Variants in RIMS1 observed in about 807,000 individuals in gnomAD.
The protein encoded by RIMS1 is regulating synaptic membrane exocytosis 1.
A neutral mutation model predicts 214.1 loss-of-function variants in RIMS1; 83 were observed. The ratio of observed to expected loss-of-function variants is 0.39; its 90% confidence interval spans 0.32 to 0.47. The LOEUF is 0.47. RIMS1 is among the 20% of genes least tolerant of loss of function. The pLI is 0.99. For synonymous variants in RIMS1, 793 were observed against 786.8 expected, an observed-to-expected ratio of 1.01 and a Z score of -0.13; for missense variants, 2,050 against 2,161.8, an observed-to-expected ratio of 0.95 and a Z score of 1.03.
chr6:72,038,118 A>AATATATATATATAT (rs70994111), intron 2 of RIMS1, among the ~76,000 whole-genome samples: 71 of 13,396 alleles, frequency 5.3e-3, no homozygotes, highest in East Asian at 9.5e-3. Context: ...AAAAAAAAAA[A>AATATATATATATAT]ATATATATAT....
At chr6:72,158,219 G>C (rs1479237270) in intron 4 of RIMS1, among the ~76,000 whole-genome samples, 1 of 140,194 alleles carries the variant, frequency 7.1e-6, no homozygotes, top group African/African-American at 2.5e-5. Context: ...CTTTTTGTTT[G>C]AATCAAAATG....
intron 1 of RIMS1, among the ~76,000 whole-genome samples, chr6:71,941,127 G>A (rs766237550): frequency 5.3e-5 from 8 of 151,114 alleles, no homozygotes; most frequent in East Asian, 1.9e-4. Flanking sequence ...TTTTTCACCC[G>A]GGCATATTTA....
At chr6:72,307,702 G>A (rs777499246) in intron 27 of RIMS1, among the ~76,000 whole-genome samples, 47 of 151,860 alleles carry the variant, frequency 3.1e-4, no homozygotes, top group Non-Finnish European at 5.4e-4. Context: ...AGCCGAGATC[G>A]CACCACTGCA....
intron 29 of RIMS1, among the ~76,000 whole-genome samples, chr6:72,356,980 A>G (rs191181807): frequency 9.6e-4 from 146 of 152,284 alleles, no homozygotes; most frequent in African/African-American, 3.3e-3. Flanking sequence ...CCAGACATAC[A>G]TATCTGTGGG....
intron 23 of RIMS1, among the ~76,000 whole-genome samples, chr6:72,276,394 T>C (rs2086427859): frequency 6.6e-6 from 1 of 152,120 alleles, no homozygotes; most frequent in Non-Finnish European, 1.5e-5. Flanking sequence ...TTAAGCAAAA[T>C]GGAAATTCAA....
At chr6:72,334,604 T>G (rs888640220) in intron 29 of RIMS1, among the ~76,000 whole-genome samples, 7 of 152,034 alleles carry the variant, frequency 4.6e-5, no homozygotes, top group Non-Finnish European at 1.0e-4. Flanking sequence ...AGTGAAATAT[T>G]GAAGCAATTT....
intron 1 of RIMS1, among the ~76,000 whole-genome samples, chr6:71,889,464 T>C (rs1201615573): frequency 6.6e-6 from 1 of 152,222 alleles, no homozygotes; most frequent in Non-Finnish European, 1.5e-5. Flanking sequence ...AAAATATCAC[T>C]GTATATGATG....
At chr6:71,917,496 G>T (rs1168566349) in intron 1 of RIMS1, among the ~76,000 whole-genome samples, 1 of 152,144 alleles carries the variant, frequency 6.6e-6, no homozygotes, top group Admixed American at 6.6e-5. Flanking sequence ...GTAAGTCTGT[G>T]TGATAGAAGT....
At chr6:71,959,087 TAAAG>T (rs1391255289) in intron 1 of RIMS1, among the ~76,000 whole-genome samples, 2 of 152,078 alleles carry the variant, frequency 1.3e-5, no homozygotes, top group African/African-American at 4.8e-5. Context: ...CTTGACAAAA[TAAAG>T]AAATATTCAT....
chr6:72,025,730 C>T (rs1816232739), intron 2 of RIMS1, among the ~76,000 whole-genome samples: 1 of 152,170 alleles, frequency 6.6e-6, no homozygotes, highest in Non-Finnish European at 1.5e-5. Flanking sequence ...TCTCTTGTAT[C>T]TCATGGCTTC....
chr6:72,258,374 G>A, intron 17 of RIMS1, 93 bp downstream of exon 17: 3 of 1,260,100 alleles, frequency 2.4e-6, no homozygotes, highest in Non-Finnish European at 3.2e-6. Context: ...TGAAAAAATA[G>A]TTTGGTCAAA....
At chr6:72,112,291 C>T (rs1183394070) in intron 4 of RIMS1, among the ~76,000 whole-genome samples, 1 of 151,978 alleles carries the variant, frequency 6.6e-6, no homozygotes, top group Admixed American at 6.6e-5. Flanking sequence ...CATTGAACCC[C>T]TAATTGGCCT....
chr6:72,105,018 C>T (rs556045623), intron 4 of RIMS1, among the ~76,000 whole-genome samples: 1 of 152,250 alleles, frequency 6.6e-6, no homozygotes, highest in South Asian at 2.1e-4. Context: ...GCAACCTAAA[C>T]CTCCCAGGCT....
intron 29 of RIMS1, among the ~76,000 whole-genome samples, chr6:72,372,205 A>C (rs1033104876): frequency 6.6e-6 from 1 of 152,248 alleles, no homozygotes. Flanking sequence ...ATGAATTTTC[A>C]TGTCAATATT....
At chr6:72,196,377 G>GTTTATCTATCTATCTA (rs1334799674) in intron 6 of RIMS1, among the ~76,000 whole-genome samples, 6 of 143,984 alleles carry the variant, frequency 4.2e-5, no homozygotes, top group African/African-American at 1.6e-4. Flanking sequence ...CTGTCTGTCT[G>GTTTATCTATCTATCTA]TCTATCTATC....
intron 4 of RIMS1, among the ~76,000 whole-genome samples, chr6:72,124,806 A>G (rs2039163565): frequency 1.3e-5 from 2 of 152,166 alleles, no homozygotes; most frequent in Non-Finnish European, 2.9e-5. Context: ...CATAGTTCTC[A>G]TGCCATGGTT....
At chr6:72,197,050 A>G (rs2249625) in intron 6 of RIMS1, among the ~76,000 whole-genome samples, 79,929 of 151,908 alleles carry the variant, frequency 0.53, 22,770 homozygotes, top group East Asian at 0.83. Flanking sequence ...TCAAGAAGCA[A>G]TTCAGCACAC....
At chr6:72,263,847 G>A (rs1454443938) in intron 19 of RIMS1, 1 of 405,202 alleles carries the variant, frequency 2.5e-6, no homozygotes, top group African/African-American at 2.2e-5. Context: ...ACACAAATTA[G>A]GTGGGCATGG....
Position 71,886,788 on chromosome 6 carries a change from G to A in RIMS1, c.-236G>A. ...GCCGGGCGGCCCCGAGCTTCGCTAGGGCGACCAAAACAAAGGCAGCATCCG... is the reference window on the plus strand; with the variant it reads ...GCCGGGCGGCCCCGAGCTTCGCTAGAGCGACCAAAACAAAGGCAGCATCCG... On this transcript the variant is annotated 5_prime_UTR_variant, in exon 1 of 34. Transcript: ENST00000521978. 4 of 519,170 alleles carry A rather than the reference G, an allele frequency of 7.7e-6. No individual in the cohort carries two copies. Among genetic ancestry groups the A allele is most frequent in the Non-Finnish European group, 1.3e-5 (4 of 297,262 alleles). The allele number at this position is 519,170 out of a possible 1,614,324, so 32.2% of individuals were successfully genotyped here. A position where few individuals can be genotyped will look rare whatever the true frequency, so the allele number is the denominator to read the frequency against.
Sources: allele counts gnomAD v4.1 joint callset (sites outside exome capture counted in the v4.1 genomes callset), GRCh38; gene constraint gnomAD v4.1.1; transcripts MANE v1.5; gene names NCBI Gene and HGNC (gene_info 2026-07-23, HGNC 2026-07-21).